The following DBP variants were observed in gnomAD, a reference collection of about 807,000 sequenced individuals.
The protein encoded by DBP is D site-binding protein.
Under a neutral mutation model 21.4 loss-of-function variants are expected in DBP, and 12 were observed. The observed-to-expected ratio is 0.56, with a 90% CI of 0.36 to 0.91. The LOEUF (loss-of-function observed/expected upper bound fraction) is 0.91, where lower values mean the gene tolerates loss of function less well. Ranked by LOEUF, DBP falls within the 40% of genes least tolerant of loss-of-function variation. The pLI is 0.01. For synonymous variants in DBP, 213 were observed against 224.9 expected (o/e 0.95, Z 0.47); for missense variants, 423 against 473.4 (o/e 0.89, Z 0.99).
In DBP at chr19:48,630,571, C is replaced by G. The variant is rs1179246936; in HGVS notation, c.*266G>C. ...CCACAACAGCTGGCTCTGGGGTTCT[C>G]AAGATTTATTCAGGATCGTGTTAAC... On this transcript the variant is annotated 3_prime_UTR_variant, in exon 4 of 4. Transcript: ENST00000222122. This position sits in a 1 kb window ranked among gnomAD's most constrained non-coding sequence, Gnocchi z 4.9. 2 of 1,534,982 alleles carry G rather than the reference C, an allele frequency of 1.3e-6. No individual in the cohort carries two copies. Among genetic ancestry groups the G allele is most frequent in the African/African-American group, 2.7e-5 (2 of 72,948 alleles).
chr19:48,635,476 G>C, intron 2 of DBP, 104 bp downstream of exon 2: 1 of 1,478,056 alleles, frequency 6.8e-7, no homozygotes. Context: ...CAGAATTCGA[G>C]GCCGCAGCCA....
rs2030762061 is a variant in DBP, at chr19:48,635,683, TGCGGGCGTCCGC to T, written c.435_446del (p.Arg146_Ala149del). The T allele has an allele frequency of 1.5e-6, 2 of 1,319,402 alleles. No individual in the cohort carries two copies. Among genetic ancestry groups the T allele is most frequent in the Non-Finnish European group, 1.9e-6 (2 of 1,042,696 alleles). 81.7% of individuals were successfully genotyped at this position (1,319,402 alleles called of 1,614,324 possible). On this transcript the variant is annotated inframe_deletion, in exon 2 of 4. Coordinates refer to ENST00000222122, the MANE Select transcript of DBP (RefSeq NM_001352.5). ...CGCACGAACCCGGCCCTGGGGAGGG[TGCGGGCGTCCGC>T]GCGGGCGACGGCTCCGGCGACGGGC... is the stretch of plus-strand genomic sequence containing the variant.
rs1350897056 is a variant in DBP at position 48,630,294 on chromosome 19, TG to T, written c.*542del. The T allele has an allele frequency of 2.3e-6, 3 of 1,280,806 alleles. No individual in the cohort carries two copies. The African/African-American group carries it at 4.6e-5, about 20-fold the overall frequency. 79.3% of individuals were successfully genotyped at this position (1,280,806 alleles called of 1,614,324 possible). ...GCACTAATGTTCCTCTCCCCGCGGG[TG>T]GGGGCGGGGAAATTCATATCCCCTG... On this transcript the variant is annotated 3_prime_UTR_variant, in exon 4 of 4. Transcript: ENST00000222122. The surrounding 1 kb of genome is among the most constrained non-coding windows in gnomAD (Gnocchi z 4.9).
chr19:48,630,765 G>T lies in DBP; in HGVS notation c.*72C>A. 6.7e-7 allele frequency: 1 copy of T among 1,493,134 alleles called. No homozygotes were observed. The highest frequency in any genetic ancestry group is 9.0e-7 in the Non-Finnish European group (1 of 1,108,854). 92.5% of individuals were successfully genotyped at this position (1,493,134 alleles called of 1,614,324 possible). ...AGCTGGCCGGCCCGTGGGCCACAGG[G>T]CAGGAAGGGAACAGGGCGTAAGTCT... On this transcript the variant is annotated 3_prime_UTR_variant, in exon 4 of 4. Transcript: ENST00000222122. This position sits in a 1 kb window ranked among gnomAD's most constrained non-coding sequence, Gnocchi z 4.9.
chr19:48,635,740 G>A lies in DBP; in HGVS notation c.390C>T (p.Pro130=), dbSNP rs112887941. 23 of 1,369,630 alleles carry A rather than the reference G, an allele frequency of 1.7e-5. 1 individual carries two copies. In the African/African-American group the frequency reaches 2.0e-4, roughly 12 times the overall value. 84.8% of individuals were successfully genotyped at this position (1,369,630 alleles called of 1,614,324 possible). ...DAFLLEHGLP[P]SPPPPGGPSP... is the part of the protein sequence containing the mutation. ...ACGGGCCACCGGGGGGCGGCGGGCT[G>A]GGCGGGAGCCCGTGCTCCAGCAGGA... Residue 130 remains proline, a synonymous_variant, in exon 2 of 4, where the codon CCC becomes CCT. Transcript: ENST00000222122.
chr19:48,633,793 C>T, intron 2 of DBP, 138 bp from the exon 3 acceptor site: 1 of 717,268 alleles, frequency 1.4e-6, no homozygotes, highest in Non-Finnish European at 2.3e-6. Context: ...ATTAATCTCC[C>T]TAATATAAAA....
rs1237898576 is a variant in DBP, at chr19:48,635,731, C to T, written c.399G>A (p.Pro133=). ...LLEHGLPPSP[P]PPGGPSPEPS... ...GCTCCGGCGACGGGCCACCGGGGGG[C>T]GGCGGGCTGGGCGGGAGCCCGTGCT... Residue 133 remains proline (P), a synonymous_variant, in exon 2 of 4, where the codon CCG becomes CCA. Coordinates refer to ENST00000222122, the MANE Select transcript of DBP (RefSeq NM_001352.5). 5.2e-6 allele frequency: 7 copies of T among 1,350,304 alleles called. No homozygotes were observed. The highest frequency in any genetic ancestry group is 7.8e-5 in the Admixed American group (2 of 25,490). 83.6% of individuals were successfully genotyped at this position (1,350,304 alleles called of 1,614,324 possible).
Position 48,636,865 on chromosome 19 carries a change from G to A in DBP, c.130C>T (p.Pro44Ser), listed in dbSNP as rs771888798. ...LLQGTSKPKE[P>S]ASCLLKEKER... Reference sequence around the variant, plus strand: ...GGGGGTTAGAACTCACAGCTGGCCGGCTCTTTGGGCTTGCTGGTCCCCTGC... The same window carrying A: ...GGGGGTTAGAACTCACAGCTGGCCGACTCTTTGGGCTTGCTGGTCCCCTGC... The change falls in exon 1 of 4, where the codon CCG (proline) becomes TCG (serine). Residue 44 changes from proline (P) to serine (S), a missense_variant. This residue lies in a region of DBP where 283 missense variants were observed against 273.7 expected (regional missense o/e 1.03). Transcript: ENST00000222122. The A allele has an allele frequency of 1.9e-6, 3 of 1,610,342 alleles. No individual in the cohort carries two copies. Among genetic ancestry groups the A allele is most frequent in the East Asian group, 2.2e-5 (1 of 44,584 alleles).
At chr19:48,636,761 C>T (rs2030819128) in intron 1 of DBP, 95 bp downstream of exon 1, 6 of 1,434,380 alleles carry the variant, frequency 4.2e-6, no homozygotes, top group Non-Finnish European at 5.7e-6. Context: ...GATGGACTCC[C>T]CGCACGCAGG....
intron 2 of DBP, chr19:48,635,086 A>G: frequency 3.0e-6 from 3 of 987,374 alleles, no homozygotes; most frequent in Non-Finnish European, 3.6e-6. Flanking sequence ...AGCACGCCCC[A>G]CTGGGGGACC....
intron 1 of DBP, among the ~76,000 whole-genome samples, 167 bp downstream of exon 1, chr19:48,636,689 C>T (rs1221114951): frequency 1.3e-5 from 2 of 152,020 alleles, no homozygotes; most frequent in Non-Finnish European, 2.9e-5. Flanking sequence ...CTTTTGGGTC[C>T]TGGGCGCTAA....
chr19:48,634,679 G>A, intron 2 of DBP: 1 of 985,382 alleles, frequency 1.0e-6, no homozygotes, highest in Non-Finnish European at 1.2e-6. Flanking sequence ...GAAGCGCGGA[G>A]GAGGGATGGG....
rs762150044 is a variant in DBP at position 48,635,997 on chromosome 19, G to A, written c.140-7C>T. On this transcript the variant is annotated splice_region_variant and splice_polypyrimidine_tract_variant and intron_variant, in intron 1 of 3. Coordinates refer to ENST00000222122, the MANE Select transcript of DBP (RefSeq NM_001352.5). ...TCCTTTTCCTTCAGGAGACCTGCGGGCCGGGAAAGACGGGTTGGGATGAGG... is the reference window on the plus strand; with the variant it reads ...TCCTTTTCCTTCAGGAGACCTGCGGACCGGGAAAGACGGGTTGGGATGAGG... 286 of 1,507,688 alleles carry A rather than the reference G, an allele frequency of 1.9e-4. 1 individual carries two copies. The highest frequency in any genetic ancestry group is 3.5e-4 in the Admixed American group (17 of 48,676). 93.4% of individuals were successfully genotyped at this position (1,507,688 alleles called of 1,614,324 possible).
In DBP at chr19:48,630,192, C is replaced by T. The variant is rs1381729426; in HGVS notation, c.*645G>A. 2.4e-6 allele frequency: 3 copies of T among 1,255,610 alleles called. No individual in the cohort carries two copies. The highest frequency in any genetic ancestry group is 3.0e-6 in the Non-Finnish European group (3 of 999,266). 77.8% of individuals were successfully genotyped at this position (1,255,610 alleles called of 1,614,324 possible). A position where few individuals can be genotyped will look rare whatever the true frequency, so the allele number is the denominator to read the frequency against. ...CCGGTCAGGGCCCGCAGCCTCGCCC[C>T]ATCCACTCCGGTGCCTCCATTTAGC... On this transcript the variant is annotated 3_prime_UTR_variant, in exon 4 of 4. Transcript: ENST00000222122. The surrounding 1 kb of genome is among the most constrained non-coding windows in gnomAD (Gnocchi z 4.9).
At chr19:48,636,743 G>C in intron 1 of DBP, 113 bp downstream of exon 1, 4 of 1,303,890 alleles carry the variant, frequency 3.1e-6, no homozygotes, top group Non-Finnish European at 4.2e-6. Context: ...GTAGATTAAG[G>C]TTGGGAAGAT....
chr19:48,634,922 C>A, intron 2 of DBP: 1 of 985,750 alleles, frequency 1.0e-6, no homozygotes, highest in Non-Finnish European at 1.2e-6. Flanking sequence ...GCCTCCTGGA[C>A]CTTCCCAGAA....
chr19:48,637,231 G>A lies in DBP; in HGVS notation c.-237C>T. 2.4e-6 allele frequency: 1 copy of A among 418,720 alleles called. No homozygotes were observed. The highest frequency in any genetic ancestry group is 4.2e-6 in the Non-Finnish European group (1 of 235,516). 25.9% of individuals were successfully genotyped at this position (418,720 alleles called of 1,614,324 possible). A position where few individuals can be genotyped will look rare whatever the true frequency, so the allele number is the denominator to read the frequency against. On this transcript the variant is annotated 5_prime_UTR_variant, in exon 1 of 4. Coordinates refer to ENST00000222122, the MANE Select transcript of DBP (RefSeq NM_001352.5). ...GGGAGATCATGCAATCTGGGCGAGG[G>A]GGTGTCCAGATCAAGCGGTCGGCTC...
intron 2 of DBP, chr19:48,634,603 GC>G (rs1050063830): frequency 1.2e-5 from 9 of 771,718 alleles, no homozygotes; most frequent in Non-Finnish European, 1.4e-5. Flanking sequence ...TTCCTCCCAG[GC>G]CCCCGCCATC....
intron 2 of DBP, chr19:48,635,302 C>CCCACA: frequency 8.0e-7 from 1 of 1,252,390 alleles, no homozygotes; most frequent in Middle Eastern, 2.1e-4. Context: ...GTATCCACAT[C>CCCACA]GTTTGTCCCC....
Sources: allele counts gnomAD v4.1 joint callset (sites outside exome capture counted in the v4.1 genomes callset), GRCh38; gene constraint gnomAD v4.1.1; regional missense constraint gnomAD v4.1.1; non-coding constraint Gnocchi (gnomAD v3.1); transcripts MANE v1.5; gene names NCBI Gene and HGNC (gene_info 2026-07-23, HGNC 2026-07-21).